The following ZNF831 variants were observed in gnomAD, a reference collection of about 807,000 sequenced individuals.
The protein encoded by ZNF831 is chromosome 20 open reading frame 174.
Under a neutral mutation model 95.8 loss-of-function variants are expected in ZNF831, and 59 were observed. The observed-to-expected ratio is 0.62, with a 90% CI of 0.50 to 0.77. ZNF831 has a LOEUF of 0.77. Ranked by LOEUF, ZNF831 falls within the 30% of genes least tolerant of loss-of-function variation. The probability of loss-of-function intolerance (pLI) is 0.00; values close to 1 mark genes in which losing one functional copy is unlikely to be tolerated. For missense variants in ZNF831, 2,205 were observed against 2,164.0 expected (o/e 1.02, Z -0.38); for synonymous variants, 961 against 925.5 (o/e 1.04, Z -0.70).
At chr20:59,234,946 C>T (rs1986919240) in intron 4 of ZNF831, among the ~76,000 whole-genome samples, 1 of 152,092 alleles carries the variant, frequency 6.6e-6, no homozygotes, top group African/African-American at 2.4e-5. Context: ...CCTAAATTCA[C>T]CGTTTGTTGA....
rs1019746069 is a variant in ZNF831 at position 59,195,816 on chromosome 20, C to T, written c.3739-53C>T. On this transcript the variant is annotated intron_variant, in intron 2 of 5. Transcript: ENST00000371030. ...CAGAGCGAGAACCCTTTGGAGTTTT[C>T]TTCATCATGAGGACTTTGAGTAATG... 6.4e-6 allele frequency: 10 copies of T among 1,574,416 alleles called. 1 individual carries two copies. Among genetic ancestry groups the T allele is most frequent in the Non-Finnish European group, 8.6e-6 (10 of 1,161,360 alleles).
intron 4 of ZNF831, among the ~76,000 whole-genome samples, chr20:59,229,339 T>A (rs1208868179): frequency 6.6e-6 from 1 of 152,220 alleles, no homozygotes; most frequent in African/African-American, 2.4e-5. Flanking sequence ...TGCAAGGCCC[T>A]TGAGACCTAG....
At chr20:59,240,576 C>G (rs925356797) in intron 4 of ZNF831, among the ~76,000 whole-genome samples, 2 of 151,778 alleles carry the variant, frequency 1.3e-5, no homozygotes, top group Non-Finnish European at 2.9e-5. Context: ...CTGAGGCGGG[C>G]GGATCACGAG....
intron 4 of ZNF831, among the ~76,000 whole-genome samples, chr20:59,212,943 G>C (rs1411241626): frequency 6.6e-6 from 1 of 152,200 alleles, no homozygotes; most frequent in African/African-American, 2.4e-5. Flanking sequence ...TTGTGAAACT[G>C]ATAGAAAAGA....
At chr20:59,156,045 G>A (rs1218669904) in intron 2 of ZNF831, among the ~76,000 whole-genome samples, 1 of 152,104 alleles carries the variant, frequency 6.6e-6, no homozygotes, top group Admixed American at 6.5e-5. Flanking sequence ...AATTCCCAGC[G>A]CTTAGAAGCA....
At chr20:59,148,355 C>G (rs1040634896) in intron 2 of ZNF831, among the ~76,000 whole-genome samples, 18 of 152,094 alleles carry the variant, frequency 1.2e-4, no homozygotes, top group African/African-American at 4.3e-4. Context: ...GGAAGCATCA[C>G]CACTGCTACA....
chr20:59,240,591 G>A (rs1225360596), intron 4 of ZNF831, among the ~76,000 whole-genome samples: 1 of 151,938 alleles, frequency 6.6e-6, no homozygotes, highest in African/African-American at 2.4e-5. Context: ...CACGAGGTCA[G>A]GAGATGGAGA....
At chr20:59,126,749 T>C (rs1293218790) in intron 1 of ZNF831, among the ~76,000 whole-genome samples, 5 of 152,238 alleles carry the variant, frequency 3.3e-5, no homozygotes, top group Non-Finnish European at 7.3e-5. Flanking sequence ...ACATGCTTGG[T>C]CACTCTCCTT....
At position 59,194,726 on chromosome 20, in the gene ZNF831, C is replaced by A. The variant is rs2146604402; in HGVS notation, c.3707C>A (p.Pro1236His). ...GSNGGWTWTS[P>H]GEGGPAQMSK... ...AATGGAGGATGGACCTGGACAAGCC[C>A]TGGAGAAGGAGGGCCGGCGCAGATG... The change falls in exon 2 of 6, where the codon CCT (proline) becomes CAT (histidine). Residue 1236 changes from proline (P) to histidine (H), a missense_variant. Physicochemically the swap from Pro to His is moderately conservative, Grantham distance 77 (BLOSUM62 -2). Coordinates refer to ENST00000371030, the MANE Select transcript of ZNF831 (RefSeq NM_178457.3). 1 of 1,583,934 alleles carries A rather than the reference C, an allele frequency of 6.3e-7. No homozygotes were observed. Among genetic ancestry groups the A allele is most frequent in the Non-Finnish European group, 8.6e-7 (1 of 1,166,944 alleles).
rs1481612048 is a variant in ZNF831 at position 59,191,627 on chromosome 20, C to CTG, written c.608_609insTG (p.Ser204AlafsTer59). On this transcript the variant is annotated frameshift_variant, in exon 2 of 6. Transcript: ENST00000371030. LOFTEE classifies it high-confidence loss of function. ...ACGCACCTCAACAACTCCCGGCTGTCCTCAGAGTCCGAGGGCGCCGGGGGC... is the reference window on the plus strand; with the variant it reads ...ACGCACCTCAACAACTCCCGGCTGTCTGCTCAGAGTCCGAGGGCGCCGGGGGC... 6.3e-7 allele frequency: 1 copy of CTG among 1,581,134 alleles called. No individual in the cohort carries two copies. Among genetic ancestry groups the CTG allele is most frequent in the Non-Finnish European group, 8.6e-7 (1 of 1,162,092 alleles).
intron 4 of ZNF831, among the ~76,000 whole-genome samples, chr20:59,244,239 A>G (rs944978278): frequency 6.6e-6 from 1 of 152,220 alleles, no homozygotes; most frequent in Admixed American, 6.5e-5. Flanking sequence ...AAAATAGGAT[A>G]GTACAGAAAT....
rs1983751230 is a variant in ZNF831 at position 59,193,108 on chromosome 20, C to T, written c.2089C>T (p.Pro697Ser). 6.3e-7 allele frequency: 1 copy of T among 1,592,876 alleles called. No homozygotes were observed. Among genetic ancestry groups the T allele is most frequent in the South Asian group, 1.1e-5 (1 of 88,838 alleles). Residue 697 changes from proline (P) to serine (S), a missense_variant, in exon 2 of 6, where the codon CCA (proline) becomes TCA (serine). By Grantham distance (74) the Pro-to-Ser change is moderately conservative (BLOSUM62 -1). Coordinates refer to ENST00000371030, the MANE Select transcript of ZNF831 (RefSeq NM_178457.3). ...GATPEPWGNP[P>S]ALEASLVTEP... ...AACGCCAGAGCCTTGGGGAAATCCA[C>T]CAGCCCTGGAGGCCTCCTTGGTGAC...
chr20:59,173,191 G>A (rs1981877834), intron 1 of ZNF831, among the ~76,000 whole-genome samples: 1 of 152,178 alleles, frequency 6.6e-6, no homozygotes, highest in Non-Finnish European at 1.5e-5. Context: ...GGTCCAACAA[G>A]ATGTCCTCAC....
chr20:59,242,488 TGTG>T (rs1447703100), intron 4 of ZNF831, among the ~76,000 whole-genome samples: 1 of 152,254 alleles, frequency 6.6e-6, no homozygotes, highest in Non-Finnish European at 1.5e-5. Context: ...GATACACACT[TGTG>T]GTCTAGGCAC....
At chr20:59,247,557 T>A (rs1987678820) in intron 4 of ZNF831, among the ~76,000 whole-genome samples, 1 of 152,328 alleles carries the variant, frequency 6.6e-6, no homozygotes, top group South Asian at 2.1e-4. Flanking sequence ...TTATTACTTT[T>A]AGAGATCTGC....
chr20:59,129,580 G>A (rs1979285693), intron 1 of ZNF831, among the ~76,000 whole-genome samples: 1 of 152,136 alleles, frequency 6.6e-6, no homozygotes, highest in Admixed American at 6.5e-5. Context: ...CCGAGATCAC[G>A]CCACTGCACT....
chr20:59,232,056 G>A (rs944596401), intron 4 of ZNF831, among the ~76,000 whole-genome samples: 3 of 152,218 alleles, frequency 2.0e-5, no homozygotes, highest in East Asian at 1.9e-4. Context: ...GGATAGACCC[G>A]TACACCCTTC....
chr20:59,206,871 C>T (rs779134284), intron 3 of ZNF831, 34 bp from the exon 4 acceptor site: 4 of 1,603,468 alleles, frequency 2.5e-6, no homozygotes, highest in Non-Finnish European at 3.4e-6. Flanking sequence ...GCTCTCCAGG[C>T]TGGTTACTGC....
intron 4 of ZNF831, among the ~76,000 whole-genome samples, chr20:59,244,063 T>C (rs1230947972): frequency 6.6e-6 from 1 of 152,230 alleles, no homozygotes; most frequent in East Asian, 1.9e-4. Flanking sequence ...TTAAGCATAC[T>C]TTCCCCACTA....
Sources: allele counts gnomAD v4.1 joint callset (sites outside exome capture counted in the v4.1 genomes callset), GRCh38; gene constraint gnomAD v4.1.1; transcripts MANE v1.5; gene names NCBI Gene and HGNC (gene_info 2026-07-23, HGNC 2026-07-21).